RGS6: variants seen among roughly 807,000 people sequenced by gnomAD.
RGS6 encodes regulator of G protein signaling 6.
A neutral mutation model predicts 78.5 loss-of-function variants in RGS6; 30 were observed. The observed-to-expected ratio is 0.38, with a 90% CI of 0.29 to 0.52. The LOEUF (loss-of-function observed/expected upper bound fraction) is 0.52. Ranked by LOEUF, RGS6 falls within the 20% of genes least tolerant of loss-of-function variation. RGS6 has a pLI of 0.85. For synonymous variants in RGS6, 206 were observed against 206.0 expected (o/e 1.00, Z 0.00); for missense variants, 495 against 609.7 (o/e 0.81, Z 1.98).
chr14:72,226,793 C>T (rs1000373558), intron 2 of RGS6, among the ~76,000 whole-genome samples: 1 of 152,244 alleles, frequency 6.6e-6, no homozygotes, highest in Non-Finnish European at 1.5e-5. Flanking sequence ...ACCTCCACCT[C>T]CTGGGTTCAA....
the RGS6 span, among the ~76,000 whole-genome samples, chr14:71,898,263 T>C: frequency 6.8e-6 from 1 of 146,348 alleles, no homozygotes; most frequent in African/African-American, 2.5e-5. Context: ...GCCGTTTGAC[T>C]AACCTCTCCC....
At chr14:72,390,469 T>C (rs1222165632) in intron 3 of RGS6, among the ~76,000 whole-genome samples, 2 of 152,020 alleles carry the variant, frequency 1.3e-5, no homozygotes, top group Non-Finnish European at 2.9e-5. Context: ...AAGTCCTCAT[T>C]ATAGATGGGA....
At chr14:72,058,926 C>CA (rs1448639877) in intron 2 of RGS6, among the ~76,000 whole-genome samples, 4 of 152,154 alleles carry the variant, frequency 2.6e-5, no homozygotes, top group Non-Finnish European at 4.4e-5. Context: ...TTTTCTGAGA[C>CA]AGAGTCTCGC....
intron 10 of RGS6, among the ~76,000 whole-genome samples, chr14:72,475,117 G>A (rs1255831154): frequency 2.0e-5 from 3 of 151,712 alleles, no homozygotes; most frequent in Non-Finnish European, 4.4e-5. Context: ...GGGAGGGGAG[G>A]AAACAAAAGG....
chr14:72,408,655 T>C (rs541970844), intron 3 of RGS6, among the ~76,000 whole-genome samples: 1 of 152,218 alleles, frequency 6.6e-6, no homozygotes, highest in Non-Finnish European at 1.5e-5. Context: ...TTAGAGTATA[T>C]ATTGAATCAA....
At chr14:71,879,634 C>T in the RGS6 span, among the ~76,000 whole-genome samples, 949 of 152,288 alleles carry the variant, frequency 6.2e-3, 5 homozygotes, top group Middle Eastern at 0.024. Flanking sequence ...ACCCATTTCA[C>T]TTGGTTCTCA....
chr14:72,095,346 T>C (rs1235093748), intron 2 of RGS6, among the ~76,000 whole-genome samples: 5 of 152,170 alleles, frequency 3.3e-5, no homozygotes, highest in Admixed American at 2.0e-4. Flanking sequence ...CCAGTTTCTT[T>C]TGTGCTTTCT....
At chr14:72,429,370 T>C (rs1200416952) in intron 3 of RGS6, among the ~76,000 whole-genome samples, 1 of 152,150 alleles carries the variant, frequency 6.6e-6, no homozygotes, top group Non-Finnish European at 1.5e-5. Context: ...AGGTATATTC[T>C]TGAAAAACAA....
At chr14:72,190,312 C>A (rs1290393511) in intron 2 of RGS6, among the ~76,000 whole-genome samples, 3 of 152,236 alleles carry the variant, frequency 2.0e-5, no homozygotes, top group African/African-American at 7.2e-5. Context: ...TCCAGTCATG[C>A]TTATTTCTTG....
intron 2 of RGS6, among the ~76,000 whole-genome samples, chr14:72,341,107 T>A (rs8019358): frequency 0.47 from 70,725 of 151,996 alleles, 16,793 homozygotes; most frequent in South Asian, 0.6. Flanking sequence ...GGGAATGTGT[T>A]ATTTATAAAG....
chr14:72,323,921 G>A (rs2072940128), intron 2 of RGS6, among the ~76,000 whole-genome samples: 2 of 148,964 alleles, frequency 1.3e-5, no homozygotes, highest in Admixed American at 1.3e-4. Flanking sequence ...CACATAGTAG[G>A]TGTATATATT....
chr14:71,879,576 C>T, the RGS6 span, among the ~76,000 whole-genome samples: 6 of 152,026 alleles, frequency 3.9e-5, no homozygotes, highest in African/African-American at 1.2e-4. Flanking sequence ...ATGCTTTTCT[C>T]GTGGTAGTGA....
At chr14:71,931,366 C>T (rs2087847430), upstream of RGS6, among the ~76,000 whole-genome samples, 2 of 151,930 alleles carry the variant, frequency 1.3e-5, no homozygotes, top group African/African-American at 4.8e-5. Context: ...TTATCCATTT[C>T]TAATGTTAGA....
intron 2 of RGS6, among the ~76,000 whole-genome samples, chr14:72,168,320 A>G (rs2096958097): frequency 6.6e-6 from 1 of 152,138 alleles, no homozygotes; most frequent in Non-Finnish European, 1.5e-5. Flanking sequence ...GTCTACCATT[A>G]GGAATGTAGG....
At chr14:72,374,069 AAC>A (rs1397620929) in intron 3 of RGS6, among the ~76,000 whole-genome samples, 2 of 152,182 alleles carry the variant, frequency 1.3e-5, no homozygotes, top group African/African-American at 4.8e-5. Flanking sequence ...GTTGAAACTG[AAC>A]ACCAACTGTA....
intron 2 of RGS6, among the ~76,000 whole-genome samples, chr14:72,064,385 C>T (rs1404436275): frequency 6.6e-6 from 1 of 152,164 alleles, no homozygotes; most frequent in Non-Finnish European, 1.5e-5. Context: ...GGCAGCTTTC[C>T]TCAAGCTTAA....
At chr14:72,113,894 A>C (rs2095829416) in intron 2 of RGS6, among the ~76,000 whole-genome samples, 1 of 152,224 alleles carries the variant, frequency 6.6e-6, no homozygotes, top group African/African-American at 2.4e-5. Flanking sequence ...AGAGGGGTGA[A>C]GAACTGGGGA....
At chr14:71,929,534 C>T (rs1594814708), upstream of RGS6, among the ~76,000 whole-genome samples, 1 of 152,186 alleles carries the variant, frequency 6.6e-6, no homozygotes, top group East Asian at 1.9e-4. Flanking sequence ...ATGATACCTC[C>T]CAAGTATTAC....
chr14:72,074,760 C>T (rs1489185329), intron 2 of RGS6, among the ~76,000 whole-genome samples: 1 of 152,122 alleles, frequency 6.6e-6, no homozygotes, highest in Admixed American at 6.6e-5. Flanking sequence ...ATTGCTTTTA[C>T]ATTTTTATTT....
Sources: allele counts gnomAD v4.1 joint callset (sites outside exome capture counted in the v4.1 genomes callset), GRCh38; gene constraint gnomAD v4.1.1; transcripts MANE v1.5; gene names NCBI Gene and HGNC (gene_info 2026-07-23, HGNC 2026-07-21).